Variants in PRKN observed in about 807,000 individuals in gnomAD.
The protein encoded by PRKN is parkin RBR E3 ubiquitin protein ligase.
A neutral mutation model predicts 59.5 loss-of-function variants in PRKN; 56 were observed. The observed-to-expected ratio is 0.94, with a 90% CI of 0.76 to 1.18. The LOEUF (loss-of-function observed/expected upper bound fraction) is 1.18, where lower values mean the gene tolerates loss of function less well. Among genes scored for constraint, PRKN ranks in the 50% most tolerant of loss-of-function variants. The pLI is 0.00. For missense variants in PRKN, 657 were observed against 596.4 expected (o/e 1.10, Z -1.06); for synonymous variants, 250 against 222.1 (o/e 1.13, Z -1.12).
chr6:162,167,974 A>AT (rs1385171331), intron 4 of PRKN, among the ~76,000 whole-genome samples: 2 of 152,146 alleles, frequency 1.3e-5, no homozygotes, highest in Non-Finnish European at 2.9e-5. Flanking sequence ...TAAAAACGTC[A>AT]TTTTTTCACT....
intron 5 of PRKN, among the ~76,000 whole-genome samples, chr6:162,025,525 T>C (rs1020300663): frequency 7.9e-5 from 12 of 151,444 alleles, no homozygotes; most frequent in Middle Eastern, 3.2e-3. Context: ...CAGTGTCAAC[T>C]TTTTAAGGAA....
rs549157503 is a variant in PRKN at position 161,412,529 on chromosome 6, C to T, written c.1084-25652G>A. Among the ~76,000 whole-genome samples, 84 of 148,944 alleles carry T rather than the reference C, an allele frequency of 5.6e-4. 1 individual carries two copies. The highest frequency in any genetic ancestry group is 1.9e-3 in the African/African-American group (76 of 40,320). ...TCCACTCACTCATTCCTTCCTCACT[C>T]GTTCCTCCACTCACTCATTCCTTCC... On this transcript the variant is annotated intron_variant, in intron 9 of 11. Coordinates refer to ENST00000366898, the MANE Select transcript of PRKN (RefSeq NM_004562.3).
Position 161,827,054 on chromosome 6 carries a change from T to C in PRKN, c.735-41146A>G, listed in dbSNP as rs147535149. On this transcript the variant is annotated intron_variant, in intron 6 of 11. Transcript: ENST00000366898. Reference sequence around the variant, plus strand: ...AATGAGCTTGGAGGACTATGACATATATAAAATGAGCCAGGAAAATTCTGT... The same window carrying C: ...AATGAGCTTGGAGGACTATGACATACATAAAATGAGCCAGGAAAATTCTGT... Among the ~76,000 whole-genome samples the C allele has an allele frequency of 2.7e-3, 410 of 152,302 alleles. 17 individuals carry two copies. The South Asian group carries it at 0.069, about 26-fold the overall frequency.
intron 4 of PRKN, among the ~76,000 whole-genome samples, chr6:162,117,742 C>T (rs1185871120): frequency 6.6e-6 from 1 of 152,210 alleles, no homozygotes; most frequent in Non-Finnish European, 1.5e-5. Flanking sequence ...AAGCCTTTTA[C>T]CTCTATGCAC....
chr6:161,962,435 AACACTGTGG>A (rs1329469014), intron 6 of PRKN, among the ~76,000 whole-genome samples: 3 of 152,216 alleles, frequency 2.0e-5, no homozygotes, highest in Non-Finnish European at 4.4e-5. Flanking sequence ...AAGTTATTTA[AACACTGTGG>A]GTATTTCTTT....
At position 161,753,530 on chromosome 6, in the gene PRKN, A is replaced by G. The variant is rs374191198; in HGVS notation, c.871+32242T>C. Among the ~76,000 whole-genome samples the G allele has an allele frequency of 1.3e-4, 20 of 152,342 alleles. 1 individual carries two copies. In the South Asian group the frequency reaches 3.3e-3, roughly 25 times the overall value. On this transcript the variant is annotated intron_variant, in intron 7 of 11. Transcript: ENST00000366898. ...GATAAAAAATTCTGCGGAGGGGGAT[A>G]AGAGGTTTATGGGTGGACTTTTGTT...
chr6:161,418,199 T>C (rs1360393872), intron 9 of PRKN, among the ~76,000 whole-genome samples: 2 of 152,188 alleles, frequency 1.3e-5, no homozygotes, highest in Non-Finnish European at 2.9e-5. Flanking sequence ...ATGTAATGAG[T>C]TAGACAGATA....
intron 6 of PRKN, among the ~76,000 whole-genome samples, chr6:161,899,803 C>T (rs1173593148): frequency 6.6e-6 from 1 of 152,146 alleles, no homozygotes; most frequent in African/African-American, 2.4e-5. Flanking sequence ...GGATTGAGTA[C>T]AGCAGGGAAG....
At chr6:162,239,562 C>T (rs1229910575) in intron 3 of PRKN, among the ~76,000 whole-genome samples, 1 of 151,938 alleles carries the variant, frequency 6.6e-6, no homozygotes, top group Non-Finnish European at 1.5e-5. Context: ...ATCTCGGCTT[C>T]GTGGGAGTTG....
intron 7 of PRKN, among the ~76,000 whole-genome samples, chr6:161,742,560 A>C (rs905281074): frequency 6.6e-6 from 1 of 152,172 alleles, no homozygotes; most frequent in South Asian, 2.1e-4. Flanking sequence ...TCCCATGTGC[A>C]TTGTGGAAAG....
At chr6:162,477,048 C>T (rs1792058273) in intron 1 of PRKN, among the ~76,000 whole-genome samples, 1 of 152,182 alleles carries the variant, frequency 6.6e-6, no homozygotes, top group Non-Finnish European at 1.5e-5. Flanking sequence ...GGTTACTCTA[C>T]TTCCAGTATT....
chr6:162,633,432 CAAAAAAAA>C (rs531688324), intron 1 of PRKN, among the ~76,000 whole-genome samples: 7 of 61,830 alleles, frequency 1.1e-4, no homozygotes, highest in South Asian at 1.9e-3. Context: ...AAGACTGTCT[CAAAAAAAA>C]AAAAAAAAAA....
At chr6:162,406,363 T>G (rs572325707) in intron 2 of PRKN, among the ~76,000 whole-genome samples, 1 of 152,294 alleles carries the variant, frequency 6.6e-6, no homozygotes, top group Non-Finnish European at 1.5e-5. Context: ...TGAACAGTAC[T>G]CTTACCTTCT....
At chr6:161,712,478 G>A (rs529212892) in intron 7 of PRKN, among the ~76,000 whole-genome samples, 1 of 152,210 alleles carries the variant, frequency 6.6e-6, no homozygotes, top group African/African-American at 2.4e-5. Context: ...CGATACTTCT[G>A]AAACTAGTCC....
rs758294050 is a variant in PRKN, at chr6:161,766,314, A to ATTTTTTTTTTTTTTTTTTTTTTTTT, written c.871+19457_871+19458insAAAAAAAAAAAAAAAAAAAAAAAAA. On this transcript the variant is annotated intron_variant, in intron 7 of 11. Coordinates refer to ENST00000366898, the MANE Select transcript of PRKN (RefSeq NM_004562.3). ...ACTTATGCCTGCTGTCATTGACCAC[A>ATTTTTTTTTTTTTTTTTTTTTTTTT]TTTTTTTTTTTTTAGACAGAGTCTC... 4.2e-4 allele frequency among the ~76,000 whole-genome samples: 59 copies of ATTTTTTTTTTTTTTTTTTTTTTTTT among 139,630 alleles called. 1 individual carries two copies. The highest frequency in any genetic ancestry group is 1.6e-3 in the African/African-American group (58 of 37,324). The allele number at this position is 139,630 out of a possible 152,430, so 91.6% of individuals were successfully genotyped here.
intron 5 of PRKN, among the ~76,000 whole-genome samples, chr6:162,017,361 T>A (rs938535499): frequency 1.3e-5 from 2 of 152,172 alleles, no homozygotes; most frequent in Non-Finnish European, 2.9e-5. Flanking sequence ...CCTTACCACA[T>A]AGAAACTATG....
intron 6 of PRKN, among the ~76,000 whole-genome samples, chr6:161,809,535 T>G (rs1791475708): frequency 6.6e-6 from 1 of 152,246 alleles, no homozygotes; most frequent in South Asian, 2.1e-4. Flanking sequence ...AGTTGCTTAA[T>G]AGCTTATTGT....
chr6:161,371,779 C>T lies in PRKN; in HGVS notation c.1168-11574G>A, dbSNP rs1384608507. The stretch of plus-strand genomic sequence containing the variant: ...TCAGCCTCCTGAGTAGCTGGGATTA[C>T]AGGCATGCACCACCCCACCTCGCTA... On this transcript the variant is annotated intron_variant, in intron 10 of 11. Transcript: ENST00000366898. This position sits in a 1 kb window ranked among gnomAD's most constrained non-coding sequence, Gnocchi z 5.5. 6.6e-6 allele frequency among the ~76,000 whole-genome samples: 1 copy of T among 152,166 alleles called. No homozygotes were observed. Among genetic ancestry groups the T allele is most frequent in the Non-Finnish European group, 1.5e-5 (1 of 68,038 alleles).
chr6:161,634,290 C>T (rs966370567), intron 7 of PRKN, among the ~76,000 whole-genome samples: 3 of 152,144 alleles, frequency 2.0e-5, no homozygotes, highest in African/African-American at 7.2e-5. Context: ...GCTCAGTCCC[C>T]CTGAAGGCCT....
Sources: gnomAD v4.1 joint callset for allele counts (sites outside exome capture counted in the v4.1 genomes callset) on GRCh38, gnomAD v4.1.1 for gene constraint, Gnocchi (gnomAD v3.1) non-coding constraint, MANE v1.5 for transcripts, NCBI Gene and HGNC (gene_info 2026-07-23, HGNC 2026-07-21) for gene names.